Variants in NREP observed in about 807,000 individuals in gnomAD.
NREP encodes neuronal regeneration related protein, also known as neuronal regeneration-related protein.
In NREP, 5 loss-of-function variants were observed where a neutral mutation model predicts 8.6. The observed-to-expected ratio is 0.58, with a 90% CI of 0.30 to 1.22. The LOEUF (loss-of-function observed/expected upper bound fraction) is 1.22. NREP is among the 50% of genes most tolerant of loss of function. The probability of loss-of-function intolerance (pLI) is 0.07; values close to 1 mark genes in which losing one functional copy is unlikely to be tolerated. For synonymous variants in NREP, 27 were observed against 28.0 expected (o/e 0.96, Z 0.11); for missense variants, 86 against 82.5 (o/e 1.04, Z -0.17).
intron 2 of NREP, among the ~76,000 whole-genome samples, chr5:111,815,536 AAGAT>A (rs530574647): frequency 9.1e-4 from 138 of 152,262 alleles, no homozygotes; most frequent in African/African-American, 3.2e-3. Context: ...AATGGATAAA[AAGAT>A]AGAATTTTTC....
chr5:111,755,666 G>C (rs900761840), intron 2 of NREP, 104 bp downstream of exon 2: 12 of 1,283,410 alleles, frequency 9.4e-6, no homozygotes, highest in African/African-American at 1.5e-5. Flanking sequence ...CAGATGGGGT[G>C]TAGAACAATG....
intron 2 of NREP, among the ~76,000 whole-genome samples, chr5:111,829,904 T>C (rs1752723165): frequency 6.6e-6 from 1 of 152,188 alleles, no homozygotes; most frequent in South Asian, 2.1e-4. Flanking sequence ...TTGACTACTA[T>C]ACCAGCTCTT....
intron 2 of NREP, among the ~76,000 whole-genome samples, chr5:111,838,942 T>C (rs1429162694): frequency 1.3e-5 from 2 of 152,194 alleles, no homozygotes; most frequent in Middle Eastern, 3.4e-3. Flanking sequence ...AATTAAAGTA[T>C]TGTCAATTTT....
intron 2 of NREP, among the ~76,000 whole-genome samples, chr5:111,891,296 A>C (rs1754388988): frequency 6.6e-6 from 1 of 152,182 alleles, no homozygotes; most frequent in Non-Finnish European, 1.5e-5. Flanking sequence ...GTTCCAAATA[A>C]GTTTCTGATT....
At chr5:111,849,905 A>G (rs1471075898) in intron 2 of NREP, among the ~76,000 whole-genome samples, 1 of 152,152 alleles carries the variant, frequency 6.6e-6, no homozygotes, top group Non-Finnish European at 1.5e-5. Context: ...GAATTACCTT[A>G]GACTATGAGA....
chr5:111,881,659 C>CA (rs1421912149), intron 2 of NREP, among the ~76,000 whole-genome samples: 1 of 152,194 alleles, frequency 6.6e-6, no homozygotes, highest in African/African-American at 2.4e-5. Flanking sequence ...CAGACAGCAG[C>CA]ATTTGCGGTC....
chr5:111,860,327 A>G (rs1216628291), intron 2 of NREP, among the ~76,000 whole-genome samples: 2 of 151,964 alleles, frequency 1.3e-5, no homozygotes, highest in East Asian at 3.9e-4. Context: ...TTTCAGCAAG[A>G]TCTGTCATGT....
upstream of NREP, chr5:111,757,516 C>T (rs954187261): frequency 1.0e-6 from 1 of 984,842 alleles, no homozygotes; most frequent in African/African-American, 1.7e-5. Context: ...GCCAGCGCCC[C>T]AGCCTTGCTG....
intron 2 of NREP, among the ~76,000 whole-genome samples, chr5:111,836,908 C>T (rs1476246771): frequency 1.3e-5 from 2 of 152,120 alleles, no homozygotes; most frequent in African/African-American, 4.8e-5. Context: ...ACACAAAACA[C>T]TCTTTCCACC....
chr5:111,838,452 T>C (rs561350112), intron 2 of NREP, among the ~76,000 whole-genome samples: 1 of 152,242 alleles, frequency 6.6e-6, no homozygotes, highest in South Asian at 2.1e-4. Flanking sequence ...GCTGTGGAGG[T>C]ATTTTGTAAA....
intron 2 of NREP, among the ~76,000 whole-genome samples, chr5:111,827,271 C>T (rs1752651542): frequency 6.6e-6 from 1 of 152,188 alleles, no homozygotes; most frequent in Non-Finnish European, 1.5e-5. Context: ...GTAAGGGATG[C>T]ACACGTTTGG....
chr5:111,750,024 T>C (rs893200560), intron 2 of NREP, among the ~76,000 whole-genome samples: 1 of 152,182 alleles, frequency 6.6e-6, no homozygotes, highest in Non-Finnish European at 1.5e-5. Context: ...GTTGGTAACC[T>C]GAGTGAGAGC....
intron 2 of NREP, among the ~76,000 whole-genome samples, chr5:111,786,279 G>C (rs1211023208): frequency 6.6e-6 from 1 of 152,084 alleles, no homozygotes; most frequent in Non-Finnish European, 1.5e-5. Context: ...TTTCCTCTAG[G>C]ATTGTAACTT....
At chr5:111,913,376 T>C (rs1003142330) in intron 2 of NREP, among the ~76,000 whole-genome samples, 4 of 152,110 alleles carry the variant, frequency 2.6e-5, no homozygotes, top group Admixed American at 2.6e-4. Context: ...ATTAATCCAT[T>C]ACAGCAGACT....
chr5:111,768,614 G>C (rs761984101), intron 2 of NREP, among the ~76,000 whole-genome samples: 2 of 152,144 alleles, frequency 1.3e-5, no homozygotes, highest in Admixed American at 6.5e-5. Context: ...AGAAGGTGTC[G>C]TATTTGAATC....
intron 3 of NREP, chr5:111,734,849 AAGT>A: frequency 2.0e-6 from 1 of 493,544 alleles, no homozygotes; most frequent in Non-Finnish European, 3.6e-6. Flanking sequence ...AAAAACTGGT[AAGT>A]AGTTGTTATT....
intron 2 of NREP, among the ~76,000 whole-genome samples, chr5:111,919,373 G>A (rs543442527): frequency 2.0e-5 from 3 of 152,056 alleles, no homozygotes; most frequent in Admixed American, 6.6e-5. Context: ...CTATTACTGG[G>A]TATATACCCA....
rs1420680669 is a variant in NREP, at chr5:111,812,434, T to C, written c.136-76927A>G. Among the ~76,000 whole-genome samples, 5 of 152,182 alleles carry C rather than the reference T, an allele frequency of 3.3e-5. No individual in the cohort carries two copies. In the East Asian group the frequency reaches 7.7e-4, roughly 23 times the overall value. The stretch of plus-strand genomic sequence containing the variant: ...ACCAAATATTTTAAGATTGTAGGTA[T>C]CCAGTAATTCCTTCATGTAATGTAT... On this transcript the variant is annotated intron_variant, in intron 2 of 3. Transcript: ENST00000395634.
intron 2 of NREP, among the ~76,000 whole-genome samples, chr5:111,914,343 C>A (rs1187274183): frequency 2.0e-5 from 3 of 152,112 alleles, no homozygotes; most frequent in Non-Finnish European, 4.4e-5. Flanking sequence ...CCACATTTTA[C>A]CCTAAATATT....
Sources: gnomAD v4.1 joint callset for allele counts (sites outside exome capture counted in the v4.1 genomes callset) on GRCh38, gnomAD v4.1.1 for gene constraint, MANE v1.5 for transcripts, NCBI Gene and HGNC (gene_info 2026-07-23, HGNC 2026-07-21) for gene names.